ADAMTS20: variants seen among roughly 807,000 people sequenced by gnomAD.
ADAMTS20 encodes ADAM metallopeptidase with thrombospondin type 1 motif 20.
In ADAMTS20, 225 loss-of-function variants were observed where a neutral mutation model predicts 260.1. The observed-to-expected ratio is 0.87, with a 90% CI of 0.78 to 0.97. ADAMTS20 has a LOEUF of 0.97. ADAMTS20 is among the 50% of genes least tolerant of loss of function. The pLI is 0.00. For synonymous variants in ADAMTS20, 802 were observed against 769.5 expected (o/e 1.04, Z -0.70); for missense variants, 2,400 against 2,337.7 (o/e 1.03, Z -0.55).
intron 38 of ADAMTS20, among the ~76,000 whole-genome samples, chr12:43,354,643 C>T (rs547480959): frequency 6.6e-6 from 1 of 152,202 alleles, no homozygotes; most frequent in Admixed American, 6.5e-5. Context: ...TTTATTAAAA[C>T]CTCTCCCAAT....
At chr12:43,550,783 C>A in intron 2 of ADAMTS20, 126 bp downstream of exon 2, 1 of 1,371,308 alleles carries the variant, frequency 7.3e-7, no homozygotes, top group Non-Finnish European at 9.6e-7. Context: ...TGGTGTTAAT[C>A]CTTCTTGTAG....
Position 43,551,420 on chromosome 12 carries a change from CA to C in ADAMTS20, c.92-151del. On this transcript the variant is annotated intron_variant, in intron 1 of 38. Coordinates refer to ENST00000389420, the MANE Select transcript of ADAMTS20 (RefSeq NM_025003.5). The surrounding 1 kb of genome is among the most constrained non-coding windows in gnomAD (Gnocchi z 4.6). Reference sequence around the variant, plus strand: ...GCACACATGCTGATGCGCACGCACACACACACACGTGCACTGGGACGGTTAG... The same window carrying C: ...GCACACATGCTGATGCGCACGCACACCACACACGTGCACTGGGACGGTTAG... The C allele has an allele frequency of 8.5e-7, 1 of 1,182,796 alleles. No individual in the cohort carries two copies. The highest frequency in any genetic ancestry group is 2.6e-5 in the East Asian group (1 of 38,892). 73.3% of individuals were successfully genotyped at this position (1,182,796 alleles called of 1,614,324 possible).
rs1942089997 is a variant in ADAMTS20, at chr12:43,462,948, AG to A, written c.1560del (p.Cys521ValfsTer26). 2 of 1,609,658 alleles carry A rather than the reference AG, an allele frequency of 1.2e-6. No individual in the cohort carries two copies. The highest frequency in any genetic ancestry group is 2.7e-5 in the African/African-American group (2 of 74,928). ...WCTSTEKLHKGCFTQHVPPAD... is the reference protein window; with the variant it reads ...WCTSTEKLHKXCFTQHVPPAD... ...GCTGGTGGCACGTGTTGAGTGAAAC[AG>A]CCTTTGTGAAGCTTTTCTGTGCTTG... On this transcript the variant is annotated frameshift_variant, in exon 11 of 39. Transcript: ENST00000389420. LOFTEE classifies it high-confidence loss of function.
intron 19 of ADAMTS20, chr12:43,433,901 C>T (rs1371089648): frequency 1.1e-5 from 4 of 356,222 alleles, no homozygotes; most frequent in African/African-American, 2.2e-5. Flanking sequence ...TCATTAATTC[C>T]GTGGAAAGTA....
chr12:43,424,839 A>G (rs948614941), intron 28 of ADAMTS20, among the ~76,000 whole-genome samples: 7 of 151,918 alleles, frequency 4.6e-5, no homozygotes, highest in African/African-American at 1.7e-4. Flanking sequence ...ATATAAAAAA[A>G]CTATTATATA....
intron 36 of ADAMTS20, among the ~76,000 whole-genome samples, chr12:43,371,878 G>A (rs1940116221): frequency 6.6e-6 from 1 of 152,212 alleles, no homozygotes; most frequent in African/African-American, 2.4e-5. Context: ...AGAAGTTGAT[G>A]ATGAATTACA....
intron 7 of ADAMTS20, among the ~76,000 whole-genome samples, chr12:43,484,337 T>C (rs1942488220): frequency 6.6e-6 from 1 of 151,958 alleles, no homozygotes. Flanking sequence ...CAAAATGAAA[T>C]CTTTGAAATA....
intron 28 of ADAMTS20, among the ~76,000 whole-genome samples, chr12:43,418,630 A>G (rs2137284002): frequency 6.6e-6 from 1 of 152,310 alleles, no homozygotes; most frequent in Middle Eastern, 3.4e-3. Context: ...ATATTTTTAA[A>G]ACTTTGAAGC....
intron 7 of ADAMTS20, among the ~76,000 whole-genome samples, chr12:43,471,333 C>A (rs1942256090): frequency 6.7e-6 from 1 of 149,704 alleles, no homozygotes; most frequent in Non-Finnish European, 1.5e-5. Flanking sequence ...TCGGAGGGTC[C>A]TACGCCCACG....
chr12:43,535,319 C>A (rs1372344839), intron 2 of ADAMTS20, among the ~76,000 whole-genome samples: 1 of 152,168 alleles, frequency 6.6e-6, no homozygotes, highest in South Asian at 2.1e-4. Flanking sequence ...CCTTTGCAAG[C>A]TCAGTTTATG....
At chr12:43,362,572 ACT>A (rs1395853821) in intron 37 of ADAMTS20, among the ~76,000 whole-genome samples, 4 of 152,114 alleles carry the variant, frequency 2.6e-5, no homozygotes, top group African/African-American at 9.7e-5. Flanking sequence ...GCCCATGGAC[ACT>A]CTCTCCAGTG....
chr12:43,362,036 A>T (rs1451841426), intron 37 of ADAMTS20, among the ~76,000 whole-genome samples: 9 of 152,182 alleles, frequency 5.9e-5, no homozygotes, highest in African/African-American at 2.2e-4. Flanking sequence ...ACTAGGTTGC[A>T]TTGTCAATTT....
At chr12:43,528,372 AAAC>A (rs1386450401) in intron 3 of ADAMTS20, among the ~76,000 whole-genome samples, 33 of 149,712 alleles carry the variant, frequency 2.2e-4, no homozygotes, top group African/African-American at 6.4e-4. Flanking sequence ...AAAAAAAAAA[AAAC>A]ACAAATCCGG....
chr12:43,509,079 C>T (rs930126115), intron 3 of ADAMTS20, among the ~76,000 whole-genome samples: 13 of 152,144 alleles, frequency 8.5e-5, no homozygotes, highest in African/African-American at 3.1e-4. Context: ...CTGCAAAGGA[C>T]ATGATCTCGT....
intron 23 of ADAMTS20, among the ~76,000 whole-genome samples, chr12:43,430,143 T>TA (rs11397756): frequency 0.15 from 19,523 of 127,424 alleles, 1,323 homozygotes; most frequent in Admixed American, 0.25. Context: ...AGATAAAGAG[T>TA]AAAAAAAAAA....
intron 36 of ADAMTS20, among the ~76,000 whole-genome samples, chr12:43,372,286 G>GAA (rs1329914084): frequency 6.6e-6 from 1 of 152,188 alleles, no homozygotes; most frequent in Non-Finnish European, 1.5e-5. Flanking sequence ...AAAGACAGGA[G>GAA]AAAGAGTGGT....
Position 43,377,533 on chromosome 12 carries a change from T to A in ADAMTS20, c.4827A>T (p.Arg1609Ser), listed in dbSNP as rs751110020. The A allele has an allele frequency of 6.2e-6, 10 of 1,612,836 alleles. No individual in the cohort carries two copies. The South Asian group carries it at 1.1e-4, about 18-fold the overall frequency. ...TCTCGGTGCAATATGTAATCCTTTG[T>A]CTGTAACTAAATCCACAGTTGTTTG... ...QCANNCGFSY[R>S]QRITYCTEIP... The change falls in exon 32 of 39, where the codon AGA becomes AGT. Residue 1609 changes from arginine to serine, a missense_variant. Physicochemically the swap from Arg to Ser is moderately radical, Grantham distance 110 (BLOSUM62 -1). Coordinates refer to ENST00000389420, the MANE Select transcript of ADAMTS20 (RefSeq NM_025003.5).
intron 29 of ADAMTS20, among the ~76,000 whole-genome samples, chr12:43,388,323 C>T (rs958683922): frequency 5.9e-5 from 9 of 152,278 alleles, no homozygotes; most frequent in African/African-American, 1.7e-4. Flanking sequence ...GGCAACATCC[C>T]GTCCTGCCTG....
rs1262210527 is a variant in ADAMTS20, at chr12:43,462,993, A to G, written c.1516T>C (p.Cys506Arg). Reference sequence around the variant, plus strand: ...GTGCTTGTGCACCACAGATGCATGCATATATTCTCCTGAGTAACAAAAGGC... The same window carrying G: ...GTGCTTGTGCACCACAGATGCATGCGTATATTCTCCTGAGTAACAAAAGGC... ...GSQMCPHINI[C>R]MHLWCTSTEK... Residue 506 changes from cysteine to arginine, a missense_variant, in exon 11 of 39, where the codon TGC becomes CGC. Transcript: ENST00000389420. 1 of 1,600,462 alleles carries G rather than the reference A, an allele frequency of 6.2e-7. No homozygotes were observed. Among genetic ancestry groups the G allele is most frequent in the Non-Finnish European group, 8.5e-7 (1 of 1,172,912 alleles).
Sources: gnomAD v4.1 joint callset for allele counts (sites outside exome capture counted in the v4.1 genomes callset) on GRCh38, gnomAD v4.1.1 for gene constraint, Gnocchi (gnomAD v3.1) non-coding constraint, MANE v1.5 for transcripts, NCBI Gene and HGNC (gene_info 2026-07-23, HGNC 2026-07-21) for gene names.